STK24: variants seen among roughly 807,000 people sequenced by gnomAD.
STK24 encodes serine/threonine-protein kinase 24.
A neutral mutation model predicts 55.6 loss-of-function variants in STK24; 21 were observed. The ratio of observed to expected loss-of-function variants is 0.38; its 90% CI spans 0.27 to 0.54. STK24 has a LOEUF of 0.54. Ranked by LOEUF, STK24 falls within the 20% of genes least tolerant of loss-of-function variation. STK24 has a pLI of 0.79. For missense variants in STK24, 383 were observed against 538.4 expected (o/e 0.71, Z 2.86); for synonymous variants, 200 against 215.2 (o/e 0.93, Z 0.62).
intron 1 of STK24, among the ~76,000 whole-genome samples, chr13:98,567,614 T>G (rs1035119874): frequency 2.0e-5 from 3 of 152,186 alleles, no homozygotes; most frequent in Non-Finnish European, 1.5e-5. Context: ...ACATGTATAC[T>G]GCTGTTTATT....
chr13:98,488,146 T>A (rs1894874223), intron 2 of STK24, among the ~76,000 whole-genome samples: 1 of 126,796 alleles, frequency 7.9e-6, no homozygotes, highest in South Asian at 2.5e-4. Context: ...GCTGGTGTCA[T>A]AAAAAGAGAT....
chr13:98,467,673 A>T (rs1893974111), intron 5 of STK24, among the ~76,000 whole-genome samples: 1 of 152,166 alleles, frequency 6.6e-6, no homozygotes, highest in African/African-American at 2.4e-5. Context: ...GTGTGGCCCC[A>T]CTAGGACATC....
intron 2 of STK24, among the ~76,000 whole-genome samples, chr13:98,482,992 G>C (rs1034252165): frequency 6.6e-6 from 1 of 152,218 alleles, no homozygotes; most frequent in Admixed American, 6.5e-5. Context: ...ACAGTCCCCA[G>C]CTCTGCGCCT....
intron 2 of STK24, among the ~76,000 whole-genome samples, chr13:98,488,279 A>G (rs1251891466): frequency 1.3e-5 from 2 of 151,410 alleles, no homozygotes; most frequent in African/African-American, 4.9e-5. Flanking sequence ...CCAAGAAACC[A>G]CCCTACCAAC....
At chr13:98,509,368 G>A (rs1895798739) in intron 2 of STK24, among the ~76,000 whole-genome samples, 1 of 151,894 alleles carries the variant, frequency 6.6e-6, no homozygotes, top group South Asian at 2.1e-4. Context: ...AAATGCATGT[G>A]AAAACCATGA....
intron 3 of STK24, among the ~76,000 whole-genome samples, chr13:98,476,262 G>A (rs1894372356): frequency 7.2e-6 from 1 of 138,566 alleles, no homozygotes; most frequent in Non-Finnish European, 1.6e-5. Context: ...CCCCTGCAGA[G>A]TGGGGCAGTC....
intron 1 of STK24, among the ~76,000 whole-genome samples, chr13:98,546,278 G>A (rs998408664): frequency 2.6e-5 from 4 of 152,160 alleles, no homozygotes; most frequent in Non-Finnish European, 4.4e-5. Flanking sequence ...TGCTATCCCA[G>A]ATGATCTGGT....
intron 2 of STK24, among the ~76,000 whole-genome samples, chr13:98,485,056 G>C (rs1894754077): frequency 6.6e-6 from 1 of 152,182 alleles, no homozygotes; most frequent in Non-Finnish European, 1.5e-5. Context: ...GTGGGATATT[G>C]CATCAGGAAA....
intron 2 of STK24, among the ~76,000 whole-genome samples, chr13:98,516,369 A>G (rs1896058264): frequency 6.6e-6 from 1 of 152,244 alleles, no homozygotes; most frequent in Admixed American, 6.5e-5. Flanking sequence ...ATAAAGTATC[A>G]ACACTTTTCA....
At chr13:98,576,676 G>C (rs1225647814) in intron 1 of STK24, 69 bp downstream of exon 1, 4 of 1,349,690 alleles carry the variant, frequency 3.0e-6, no homozygotes, top group Middle Eastern at 2.5e-4. Flanking sequence ...GGGACGCCGT[G>C]TGGATACCGC....
chr13:98,476,030 T>C (rs980501190), intron 3 of STK24, among the ~76,000 whole-genome samples: 1 of 151,546 alleles, frequency 6.6e-6, no homozygotes, highest in African/African-American at 2.4e-5. Flanking sequence ...TAATAGATAT[T>C]ATATAATAAT....
chr13:98,481,683 C>CATG (rs1894587162), intron 3 of STK24, among the ~76,000 whole-genome samples: 1 of 152,182 alleles, frequency 6.6e-6, no homozygotes, highest in Admixed American at 6.5e-5. Context: ...TAATTCCAGG[C>CATG]ATGATCCTTC....
intron 1 of STK24, among the ~76,000 whole-genome samples, chr13:98,544,958 A>G (rs1344064958): frequency 1.3e-5 from 2 of 152,276 alleles, no homozygotes; most frequent in African/African-American, 4.8e-5. Context: ...AAAGATGGAA[A>G]AGTGATCAGA....
chr13:98,499,337 C>T (rs569788013), intron 2 of STK24, among the ~76,000 whole-genome samples: 1 of 152,164 alleles, frequency 6.6e-6, no homozygotes, highest in Non-Finnish European at 1.5e-5. Context: ...GAGGGAATCC[C>T]GCACCTTGGG....
intron 1 of STK24, among the ~76,000 whole-genome samples, chr13:98,527,735 G>T (rs1896473384): frequency 6.6e-6 from 1 of 152,202 alleles, no homozygotes; most frequent in Non-Finnish European, 1.5e-5. Flanking sequence ...AGGGAGGTGG[G>T]GGGCCCAGCA....
intron 1 of STK24, among the ~76,000 whole-genome samples, chr13:98,527,112 G>C (rs1488734924): frequency 1.3e-5 from 2 of 152,038 alleles, no homozygotes; most frequent in African/African-American, 2.4e-5. Context: ...GTAGATGTGG[G>C]CCTATCACTC....
At chr13:98,508,071 T>C (rs1895756541) in intron 2 of STK24, among the ~76,000 whole-genome samples, 1 of 152,204 alleles carries the variant, frequency 6.6e-6, no homozygotes, top group South Asian at 2.1e-4. Flanking sequence ...TAGCCTGCAA[T>C]GACGGTCCCA....
chr13:98,483,082 G>A (rs1351789785), intron 2 of STK24, among the ~76,000 whole-genome samples: 2 of 152,210 alleles, frequency 1.3e-5, no homozygotes, highest in African/African-American at 4.8e-5. Context: ...AAATCCCAAA[G>A]TGCTACTCCC....
At position 98,446,406 on chromosome 13, in the gene STK24, C is replaced by T. The variant is rs1892838211; in HGVS notation, c.*6767G>A. 9 of 602,052 alleles carry T rather than the reference C, an allele frequency of 1.5e-5. No homozygotes were observed. Among genetic ancestry groups the T allele is most frequent in the South Asian group, 1.2e-4 (6 of 49,914 alleles). The allele number at this position is 602,052 out of a possible 1,614,324, so 37.3% of individuals were successfully genotyped here. On this transcript the variant is annotated 3_prime_UTR_variant, in exon 11 of 11. Coordinates refer to ENST00000539966, the MANE Select transcript of STK24 (RefSeq NM_001032296.4). ...GACATTATCATCCACTGAAGGACAA[C>T]TTCTGCCCTAGGAAGGGCCACCTGT...
Sources: allele counts gnomAD v4.1 joint callset (sites outside exome capture counted in the v4.1 genomes callset), GRCh38; gene constraint gnomAD v4.1.1; transcripts MANE v1.5; gene names NCBI Gene and HGNC (gene_info 2026-07-23, HGNC 2026-07-21).